The following TMEM114 variants were observed in gnomAD, a reference collection of about 807,000 sequenced individuals.
TMEM114 encodes the protein claudin-26.
Under a neutral mutation model 6.2 loss-of-function variants are expected in TMEM114, and 6 were observed. That is an observed-to-expected ratio of 0.97 (90% CI 0.53 to 1.91). The LOEUF (loss-of-function observed/expected upper bound fraction) is 1.91, where lower values mean the gene tolerates loss of function less well. Among genes scored for constraint, TMEM114 ranks in the 40% most tolerant of loss-of-function variants. TMEM114 has a pLI of 0.01. For missense variants in TMEM114, 218 were observed against 158.3 expected (o/e 1.38, Z -2.02); for synonymous variants, 104 against 73.0 (o/e 1.42, Z -2.16).
chr16:8,552,865 C>T (rs1900888977), intron 2 of TMEM114, among the ~76,000 whole-genome samples: 1 of 152,110 alleles, frequency 6.6e-6, no homozygotes, highest in Non-Finnish European at 1.5e-5. Flanking sequence ...TTGGGCTTAA[C>T]AGCTCCCAGG....
downstream of TMEM114, among the ~76,000 whole-genome samples, chr16:8,565,519 C>T (rs1901511709): frequency 6.6e-6 from 1 of 152,132 alleles, no homozygotes; most frequent in South Asian, 2.1e-4. Context: ...GCGCCGTAGT[C>T]CCACTTCCTC....
chr16:8,553,483 G>A (rs1360161898), intron 2 of TMEM114, among the ~76,000 whole-genome samples: 1 of 131,016 alleles, frequency 7.6e-6, no homozygotes, highest in Non-Finnish European at 1.6e-5. Flanking sequence ...TGCAGTCTCA[G>A]CTTTTCTTTC....
chr16:8,557,085 T>C (rs946224272), intron 2 of TMEM114, among the ~76,000 whole-genome samples: 33 of 152,266 alleles, frequency 2.2e-4, no homozygotes, highest in African/African-American at 7.7e-4. Context: ...GATTGTACTT[T>C]CTAAACGTGG....
At chr16:8,555,900 T>C (rs77291805) in intron 2 of TMEM114, among the ~76,000 whole-genome samples, 11,406 of 152,242 alleles carry the variant, frequency 0.075, 520 homozygotes, top group Middle Eastern at 0.18. Context: ...AAAGCCTGGT[T>C]GGCCTCACCC....
intron 2 of TMEM114, among the ~76,000 whole-genome samples, chr16:8,538,133 CAAAAAAA>C (rs59194084): frequency 1.3e-5 from 1 of 76,336 alleles, no homozygotes; most frequent in Non-Finnish European, 2.3e-5. Flanking sequence ...ACTGTCTCTA[CAAAAAAA>C]AAAAAAAAAA....
intron 2 of TMEM114, among the ~76,000 whole-genome samples, chr16:8,550,630 A>G (rs1596471166): frequency 6.6e-6 from 1 of 151,578 alleles, no homozygotes; most frequent in Non-Finnish European, 1.5e-5. Context: ...GTGAGCTGAG[A>G]TCGCACCATT....
intron 2 of TMEM114, among the ~76,000 whole-genome samples, chr16:8,561,631 A>ACTG (rs1901202956): frequency 6.6e-6 from 1 of 152,108 alleles, no homozygotes; most frequent in Non-Finnish European, 1.5e-5. Flanking sequence ...ATGAATGAAT[A>ACTG]ACTATATGAA....
In TMEM114 at chr16:8,569,993, A is replaced by C; in HGVS notation, c.452T>G (p.Leu151Arg). The change falls in exon 4 of 4, where the codon CTC becomes CGC. Residue 151 changes from leucine (L) to arginine (R), a missense_variant. Leu to Arg is a moderately radical substitution (Grantham distance 102). Transcript: ENST00000620492. ...ILFLFGAMVT[L>R]AGISVYIAYS... ...CGCTATGTAGACGCTGATCCCAGCG[A>C]GGGTCACCATGGCTGCAGGGAGGGC... The C allele has an allele frequency of 6.5e-7, 1 of 1,549,592 alleles. No individual in the cohort carries two copies. The highest frequency in any genetic ancestry group is 8.7e-7 in the Non-Finnish European group (1 of 1,145,958).
At chr16:8,532,489 C>G in the TMEM114 span, among the ~76,000 whole-genome samples, 1 of 152,120 alleles carries the variant, frequency 6.6e-6, no homozygotes. Flanking sequence ...CCCAGAGCTG[C>G]TATCCAAGGC....
intron 2 of TMEM114, among the ~76,000 whole-genome samples, chr16:8,563,203 G>GAGTA (rs1901344324): frequency 6.6e-6 from 1 of 151,498 alleles, no homozygotes; most frequent in Non-Finnish European, 1.5e-5. Flanking sequence ...ATGAATGAGT[G>GAGTA]AATGAGTGAG....
chr16:8,530,983 C>T, the TMEM114 span, among the ~76,000 whole-genome samples: 2 of 152,108 alleles, frequency 1.3e-5, no homozygotes, highest in South Asian at 4.2e-4. Context: ...GAGACCATGC[C>T]ACTTCACTGC....
chr16:8,543,624 T>C (rs1900579955), intron 2 of TMEM114, among the ~76,000 whole-genome samples: 1 of 152,096 alleles, frequency 6.6e-6, no homozygotes, highest in Non-Finnish European at 1.5e-5. Flanking sequence ...TCCAGAGCCT[T>C]CCTTTCTCAA....
intron 2 of TMEM114, among the ~76,000 whole-genome samples, chr16:8,548,238 A>G (rs1255508313): frequency 1.3e-5 from 2 of 152,156 alleles, no homozygotes; most frequent in African/African-American, 4.8e-5. Context: ...CATTTGTGAA[A>G]AGGACATAAT....
chr16:8,556,508 G>A (rs1474538441), intron 2 of TMEM114, among the ~76,000 whole-genome samples: 1 of 152,006 alleles, frequency 6.6e-6, no homozygotes, highest in Non-Finnish European at 1.5e-5. Context: ...TGTTGTTGTT[G>A]TTGTTGTTTT....
chr16:8,573,275 T>C (rs1388494906), intron 2 of TMEM114, among the ~76,000 whole-genome samples: 2 of 152,190 alleles, frequency 1.3e-5, no homozygotes, highest in Non-Finnish European at 2.9e-5. Context: ...GCCCCCGGGT[T>C]GCAGAGCCAA....
intron 2 of TMEM114, among the ~76,000 whole-genome samples, chr16:8,538,294 T>TA (rs368839895): frequency 0.035 from 4,827 of 138,670 alleles, 76 homozygotes; most frequent in Non-Finnish European, 0.039. Flanking sequence ...GTCTCAAAAA[T>TA]AAAAAAAAAA....
At chr16:8,567,704 T>C (rs1901590272), downstream of TMEM114, among the ~76,000 whole-genome samples, 1 of 152,158 alleles carries the variant, frequency 6.6e-6, no homozygotes, top group South Asian at 2.1e-4. Context: ...CTGAGAACTC[T>C]GGCCCTGCAG....
chr16:8,584,952 GAAGAA>G (rs1157771011), intron 2 of TMEM114, among the ~76,000 whole-genome samples: 2 of 147,666 alleles, frequency 1.4e-5, no homozygotes, highest in South Asian at 2.2e-4. Context: ...AGAAGAAGAA[GAAGAA>G]AAGAAAAGAA....
At chr16:8,547,280 A>C (rs7204500) in intron 2 of TMEM114, among the ~76,000 whole-genome samples, 50,484 of 152,070 alleles carry the variant, frequency 0.33, 8,953 homozygotes, top group African/African-American at 0.43. Flanking sequence ...ATTTCTCCAA[A>C]GGGGTTAAGC....
Sources: gnomAD v4.1 joint callset for allele counts (sites outside exome capture counted in the v4.1 genomes callset) on GRCh38, gnomAD v4.1.1 for gene constraint, MANE v1.5 for transcripts, NCBI Gene and HGNC (gene_info 2026-07-23, HGNC 2026-07-21) for gene names.